CAST: variants seen among roughly 807,000 people sequenced by gnomAD.
CAST encodes calpastatin.
In CAST, 76 loss-of-function variants were observed where a neutral mutation model predicts 119.6. The ratio of observed to expected loss-of-function variants is 0.64; its 90% CI spans 0.53 to 0.77. CAST has a LOEUF of 0.77. Among genes scored for constraint, CAST ranks in the 30% least tolerant of loss-of-function variants. The probability of loss-of-function intolerance (pLI) is 0.00; values close to 1 mark genes in which losing one functional copy is unlikely to be tolerated. For synonymous variants in CAST, 319 were observed against 331.6 expected (o/e 0.96, Z 0.41); for missense variants, 953 against 946.5 (o/e 1.01, Z -0.09).
chr5:96,060,628 GA>G, the CAST span, among the ~76,000 whole-genome samples: 1 of 152,196 alleles, frequency 6.6e-6, no homozygotes, highest in South Asian at 2.1e-4. Context: ...ACCCATCTCT[GA>G]GTAGGGCCCA....
chr5:95,991,071 CAA>C, the CAST span, among the ~76,000 whole-genome samples: 1 of 152,060 alleles, frequency 6.6e-6, no homozygotes, highest in African/African-American at 2.4e-5. Context: ...ATTTGCTTTC[CAA>C]AAAAGTTAAC....
chr5:96,328,700 T>C, the CAST span, among the ~76,000 whole-genome samples: 1 of 152,182 alleles, frequency 6.6e-6, no homozygotes, highest in Non-Finnish European at 1.5e-5. Context: ...TGACCCTTCA[T>C]TTCCAGCCAA....
At chr5:96,307,149 A>G in the CAST span, among the ~76,000 whole-genome samples, 1 of 152,178 alleles carries the variant, frequency 6.6e-6, no homozygotes, top group Admixed American at 6.5e-5. Context: ...TTGGTTGCAT[A>G]TATATTTAGG....
intron 3 of CAST, among the ~76,000 whole-genome samples, chr5:96,707,204 C>T (rs978834397): frequency 1.3e-5 from 2 of 152,184 alleles, no homozygotes; most frequent in East Asian, 1.9e-4. Context: ...CACCTTTTGT[C>T]GTTTTCCCTG....
intron 1 of CAST, among the ~76,000 whole-genome samples, chr5:96,637,236 C>A (rs1303357946): frequency 1.3e-5 from 2 of 152,164 alleles, no homozygotes; most frequent in Non-Finnish European, 2.9e-5. Context: ...ATTTTCTCAG[C>A]TAATTTTTGT....
chr5:96,095,833 TAA>T, the CAST span, among the ~76,000 whole-genome samples: 1 of 152,126 alleles, frequency 6.6e-6, no homozygotes, highest in African/African-American at 2.4e-5. Flanking sequence ...AAAAAATCCT[TAA>T]AGAGAGCCCA....
chr5:96,254,830 T>C, the CAST span, among the ~76,000 whole-genome samples: 2 of 152,136 alleles, frequency 1.3e-5, no homozygotes, highest in Non-Finnish European at 2.9e-5. Flanking sequence ...ATTTCTGTCT[T>C]TAAGAATTTC....
the CAST span, among the ~76,000 whole-genome samples, chr5:96,349,089 T>A: frequency 2.6e-5 from 4 of 151,528 alleles, no homozygotes; most frequent in Non-Finnish European, 5.9e-5. Flanking sequence ...TTCTATAATT[T>A]TTTTTTTCTG....
the CAST span, among the ~76,000 whole-genome samples, chr5:96,100,641 A>T: frequency 6.6e-6 from 1 of 152,084 alleles, no homozygotes; most frequent in Non-Finnish European, 1.5e-5. Flanking sequence ...TAATTTCTTC[A>T]TCTTATCTTC....
At chr5:96,250,740 TC>T in the CAST span, among the ~76,000 whole-genome samples, 5 of 152,040 alleles carry the variant, frequency 3.3e-5, no homozygotes, top group Non-Finnish European at 7.4e-5. Context: ...TCTTTAAATA[TC>T]CCCTTTGGAA....
chr5:96,571,786 C>G (rs904032016), intron 1 of CAST, among the ~76,000 whole-genome samples: 14 of 152,338 alleles, frequency 9.2e-5, no homozygotes, highest in African/African-American at 3.4e-4. Context: ...TCTTATCACT[C>G]TGTCATTATA....
the CAST span, among the ~76,000 whole-genome samples, chr5:96,374,623 T>A: frequency 6.6e-6 from 1 of 152,184 alleles, no homozygotes; most frequent in Non-Finnish European, 1.5e-5. Flanking sequence ...CTCTTATGTC[T>A]TGTAGTTTTC....
the CAST span, among the ~76,000 whole-genome samples, chr5:96,276,399 G>A: frequency 6.6e-6 from 1 of 152,090 alleles, no homozygotes; most frequent in African/African-American, 2.4e-5. Context: ...GCTCTTAATG[G>A]TTTCCAACGT....
chr5:96,719,878 C>T (rs572738684), intron 3 of CAST, among the ~76,000 whole-genome samples: 9 of 152,098 alleles, frequency 5.9e-5, no homozygotes, highest in East Asian at 1.9e-4. Flanking sequence ...CCAGCCTGAG[C>T]GATCCCTCCT....
the CAST span, among the ~76,000 whole-genome samples, chr5:96,266,001 T>C: frequency 6.6e-6 from 1 of 152,182 alleles, no homozygotes; most frequent in Non-Finnish European, 1.5e-5. Context: ...CTCAAAATAT[T>C]CAGTCTCCTG....
the CAST span, among the ~76,000 whole-genome samples, chr5:96,429,946 A>G: frequency 6.6e-6 from 1 of 152,248 alleles, no homozygotes; most frequent in African/African-American, 2.4e-5. Context: ...TCATTTAATC[A>G]AATATATCTG....
chr5:96,757,800 C>T, intron 24 of CAST, 146 bp downstream of exon 24: 2 of 621,228 alleles, frequency 3.2e-6, no homozygotes, highest in Non-Finnish European at 5.6e-6. Context: ...AAGCGATTCT[C>T]CTGCCCCAGC....
chr5:96,288,584 T>G, the CAST span, among the ~76,000 whole-genome samples: 1 of 152,230 alleles, frequency 6.6e-6, no homozygotes, highest in African/African-American at 2.4e-5. Context: ...ATAATAATTC[T>G]GCATCATTTT....
At chr5:96,359,969 C>T in the CAST span, among the ~76,000 whole-genome samples, 44,910 of 151,922 alleles carry the variant, frequency 0.3, 6,714 homozygotes, top group African/African-American at 0.33. Flanking sequence ...TTCAGGTACA[C>T]CAATCAAACA....
Sources: gnomAD v4.1 joint callset for allele counts (sites outside exome capture counted in the v4.1 genomes callset) on GRCh38, gnomAD v4.1.1 for gene constraint, MANE v1.5 for transcripts, NCBI Gene and HGNC (gene_info 2026-07-23, HGNC 2026-07-21) for gene names.